PCDHA3: variants seen among roughly 807,000 people sequenced by gnomAD.
The protein encoded by PCDHA3 is protocadherin alpha-3.
A neutral mutation model predicts 62.2 loss-of-function variants in PCDHA3; 41 were observed. The observed-to-expected ratio is 0.66, with a 90% CI of 0.51 to 0.86. The LOEUF (loss-of-function observed/expected upper bound fraction) is 0.86, where lower values mean the gene tolerates loss of function less well. Ranked by LOEUF, PCDHA3 falls within the 40% of genes least tolerant of loss-of-function variation. PCDHA3 has a pLI of 0.00. For synonymous variants in PCDHA3, 640 were observed against 555.4 expected, an observed-to-expected ratio of 1.15 and a Z score of -2.14; for missense variants, 1,304 against 1,241.2, an observed-to-expected ratio of 1.05 and a Z score of -0.76.
At chr5:140,875,884 C>T (rs531777396) in intron 1 of PCDHA3, 2 of 1,614,168 alleles carry the variant, frequency 1.2e-6, no homozygotes, top group South Asian at 2.2e-5. Flanking sequence ...AGAAAGGGAA[C>T]AAAAGGTACC....
intron 1 of PCDHA3, chr5:140,835,965 C>T: frequency 1.2e-6 from 2 of 1,613,194 alleles, no homozygotes; most frequent in Non-Finnish European, 1.7e-6. Flanking sequence ...CCACGAGGAG[C>T]TGGAGCTGTT....
chr5:140,813,034 G>T (rs1554126101), intron 1 of PCDHA3: 1 of 152,154 alleles, frequency 6.6e-6, no homozygotes, highest in African/African-American at 2.4e-5. Flanking sequence ...TCTTGAATTT[G>T]TTAAGACTTG....
intron 1 of PCDHA3, among the ~76,000 whole-genome samples, chr5:140,827,031 A>G (rs1396094273): frequency 6.6e-6 from 1 of 152,234 alleles, no homozygotes; most frequent in East Asian, 1.9e-4. Flanking sequence ...GAATTTAAAA[A>G]TTTGAATTTG....
At chr5:140,907,100 C>T (rs1447787481) in intron 1 of PCDHA3, among the ~76,000 whole-genome samples, 2 of 152,098 alleles carry the variant, frequency 1.3e-5, no homozygotes, top group African/African-American at 4.8e-5. Flanking sequence ...GTGCCACTTC[C>T]ACTTCCACCC....
chr5:140,842,171 C>T, intron 1 of PCDHA3: 8 of 1,613,804 alleles, frequency 5.0e-6, no homozygotes, highest in Non-Finnish European at 6.8e-6. Flanking sequence ...TTTTAATAGC[C>T]TTGTTGAAAC....
At chr5:141,003,515 G>T (rs1402480495) in intron 3 of PCDHA3, among the ~76,000 whole-genome samples, 1 of 152,114 alleles carries the variant, frequency 6.6e-6, no homozygotes, top group African/African-American at 2.4e-5. Context: ...GTTTCACCAT[G>T]TTCCCTAGGC....
Position 140,801,383 on chromosome 5 carries a change from C to T in PCDHA3, c.186C>T (p.Arg62=). Residue 62 remains arginine, a synonymous_variant, in exon 1 of 4, where the codon CGC becomes CGT. Transcript: ENST00000522353. The part of the protein sequence containing the change: ...LGLELAELVP[R]LFRVASKRHG... ...TGGAGCTGGCGGAGCTGGTGCCGCGCCTGTTCCGGGTGGCGTCCAAAAGAC... is the reference window on the plus strand; with the variant it reads ...TGGAGCTGGCGGAGCTGGTGCCGCGTCTGTTCCGGGTGGCGTCCAAAAGAC... The T allele has an allele frequency of 6.2e-7, 1 of 1,613,546 alleles. No individual in the cohort carries two copies. Among genetic ancestry groups the T allele is most frequent in the Non-Finnish European group, 8.5e-7 (1 of 1,179,966 alleles).
In PCDHA3 at chr5:140,967,673, C is replaced by T. The variant is rs1563368144; in HGVS notation, c.2395-11276C>T. On this transcript the variant is annotated intron_variant, in intron 1 of 3. Transcript: ENST00000522353. ...CTCCTTGAGCAGCTACACGTCGGAC[C>T]GGGAGAGGCAGCTCTTCAGCATAGA... The T allele has an allele frequency of 2.5e-6, 4 of 1,614,130 alleles. No homozygotes were observed. In the East Asian group the frequency reaches 6.7e-5, roughly 27 times the overall value.
chr5:140,966,586 TG>T (rs1297938804), intron 1 of PCDHA3: 39 of 548,908 alleles, frequency 7.1e-5, no homozygotes, highest in Non-Finnish European at 1.1e-4. Flanking sequence ...GCGAGGACGG[TG>T]GGGCCAGGAG....
Position 140,938,565 on chromosome 5 carries a change from A to G in PCDHA3, c.2395-40384A>G, listed in dbSNP as rs1347602327. Among the ~76,000 whole-genome samples the G allele has an allele frequency of 2.0e-5, 3 of 151,630 alleles. No individual in the cohort carries two copies. The East Asian group carries it at 5.8e-4, about 29-fold the overall frequency. On this transcript the variant is annotated intron_variant, in intron 1 of 3. Coordinates refer to ENST00000522353, the MANE Select transcript of PCDHA3 (RefSeq NM_018906.3). ...TTTTATCCTTTTATTAATAGCATGC[A>G]TTATATTGGTTGATTTGTTAATGAT...
chr5:140,875,571 C>T lies in PCDHA3; in HGVS notation c.2394+71980C>T, dbSNP rs782529259. The T allele has an allele frequency of 7.4e-6, 12 of 1,613,992 alleles. No individual in the cohort carries two copies. The Admixed American group carries it at 1.8e-4, about 25-fold the overall frequency. ...AGGTGGGGAGCGGCCAGCTCCACTACTCCGTCTACGAGGAGGCCAAACACG... is the reference window on the plus strand; with the variant it reads ...AGGTGGGGAGCGGCCAGCTCCACTATTCCGTCTACGAGGAGGCCAAACACG... On this transcript the variant is annotated intron_variant, in intron 1 of 3. Transcript: ENST00000522353.
chr5:140,809,263 G>T (rs138272102), intron 1 of PCDHA3: 8 of 1,613,992 alleles, frequency 5.0e-6, no homozygotes, highest in African/African-American at 4.0e-5. Context: ...CCGATGCTGC[G>T]CTGGTGGATG....
intron 1 of PCDHA3, chr5:140,927,041 T>C: frequency 6.2e-7 from 1 of 1,612,456 alleles, no homozygotes; most frequent in South Asian, 1.1e-5. Flanking sequence ...GCGGCCGCTA[T>C]GTCCTCGCGG....
intron 1 of PCDHA3, chr5:140,807,666 C>A: frequency 6.2e-7 from 1 of 1,614,226 alleles, no homozygotes; most frequent in Non-Finnish European, 8.5e-7. Context: ...GCCTCGGATG[C>A]AGATATCGGG....
chr5:140,946,611 AATATATATAT>A (rs1554217734), intron 1 of PCDHA3, among the ~76,000 whole-genome samples: 3 of 86,806 alleles, frequency 3.5e-5, no homozygotes, highest in African/African-American at 1.3e-4. Flanking sequence ...GAAAATGTGA[AATATATATAT>A]ATATATATAT....
In PCDHA3 at chr5:140,870,550, G is replaced by A. The variant is rs371515299; in HGVS notation, c.2394+66959G>A. On this transcript the variant is annotated intron_variant, in intron 1 of 3. Transcript: ENST00000522353. ...CACAGTGTCGGCGCGGGACGCGGAC[G>A]CGCAGGAGAACGCGCTGGTGTCCTA... 3.1e-6 allele frequency: 5 copies of A among 1,614,066 alleles called. No homozygotes were observed. In the African/African-American group the frequency reaches 6.7e-5, roughly 22 times the overall value.
intron 1 of PCDHA3, chr5:140,857,810 C>T (rs1411794040): frequency 1.9e-6 from 3 of 1,597,674 alleles, no homozygotes; most frequent in Non-Finnish European, 2.6e-6. Context: ...GGTTGCGGGT[C>T]ACGTGGTGGC....
rs149782026 is a variant in PCDHA3, at chr5:140,944,645, G to A, written c.2395-34304G>A. ...TAGTGTTGTAAGCCAGTGTGGATTG[G>A]GAGTCCATACCCCTTATTTATCTAT... On this transcript the variant is annotated intron_variant, in intron 1 of 3. Coordinates refer to ENST00000522353, the MANE Select transcript of PCDHA3 (RefSeq NM_018906.3). Among the ~76,000 whole-genome samples, 728 of 152,260 alleles carry A rather than the reference G, an allele frequency of 4.8e-3. 7 individuals are homozygous for A. The highest frequency in any genetic ancestry group is 0.017 in the African/African-American group (702 of 41,552).
At chr5:140,809,086 A>G in intron 1 of PCDHA3, 3 of 1,613,938 alleles carry the variant, frequency 1.9e-6, no homozygotes, top group South Asian at 2.2e-5. Flanking sequence ...AGATCAGCAC[A>G]ACGCGTGCCC....
Sources: gnomAD v4.1 joint callset for allele counts (sites outside exome capture counted in the v4.1 genomes callset) on GRCh38, gnomAD v4.1.1 for gene constraint, MANE v1.5 for transcripts, NCBI Gene and HGNC (gene_info 2026-07-23, HGNC 2026-07-21) for gene names.